LDLRAD3: variants seen among roughly 807,000 people sequenced by gnomAD.
LDLRAD3 encodes low-density lipoprotein receptor class A domain-containing protein 3.
A neutral mutation model predicts 29.4 loss-of-function variants in LDLRAD3; 20 were observed. That is an observed-to-expected ratio of 0.68 (90% CI 0.48 to 0.99). The LOEUF is 0.99. LDLRAD3 is among the 50% of genes least tolerant of loss of function. The pLI is 0.00. For missense variants in LDLRAD3, 420 were observed against 454.3 expected (o/e 0.92, Z 0.69); for synonymous variants, 157 against 192.7 (o/e 0.81, Z 1.53).
At chr11:35,947,582 C>T (rs263099) in intron 1 of LDLRAD3, among the ~76,000 whole-genome samples, 83,158 of 151,988 alleles carry the variant, frequency 0.55, 26,469 homozygotes, top group African/African-American at 0.87. Flanking sequence ...AACCCACTAT[C>T]AGTGAAGCAT....
chr11:36,077,645 CCTTAAGCAGCTTCCATGGCTGACA>C (rs961372453), intron 2 of LDLRAD3, among the ~76,000 whole-genome samples: 2 of 152,216 alleles, frequency 1.3e-5, no homozygotes, highest in Non-Finnish European at 2.9e-5. Flanking sequence ...ACCAGGCATA[CCTTAAGCAGCTTCCATGGCTGACA>C]CTGGGGAATG....
At chr11:36,144,979 T>TG (rs1249483788) in intron 4 of LDLRAD3, among the ~76,000 whole-genome samples, 2 of 84,304 alleles carry the variant, frequency 2.4e-5, no homozygotes, top group African/African-American at 8.7e-5. Context: ...CGGAAGGAGG[T>TG]GGGGGGGTCA....
chr11:36,096,999 A>G (rs547545391), intron 3 of LDLRAD3, among the ~76,000 whole-genome samples: 57 of 152,358 alleles, frequency 3.7e-4, no homozygotes, highest in African/African-American at 1.2e-3. Flanking sequence ...CACTGCAGGT[A>G]AATTGTACTG....
At chr11:36,196,594 G>A (rs1590347883) in intron 4 of LDLRAD3, 1 of 152,202 alleles carries the variant, frequency 6.6e-6, no homozygotes, top group Non-Finnish European at 1.5e-5. Context: ...CTTTAACCTG[G>A]AATGATGCCA....
At chr11:36,226,588 C>T (rs1295322376) in intron 4 of LDLRAD3, among the ~76,000 whole-genome samples, 2 of 152,036 alleles carry the variant, frequency 1.3e-5, no homozygotes, top group African/African-American at 2.4e-5. Flanking sequence ...AGTGATTTTG[C>T]GGGGGGGAAA....
chr11:35,947,246 C>T (rs1368054904), intron 1 of LDLRAD3, among the ~76,000 whole-genome samples: 2 of 152,148 alleles, frequency 1.3e-5, no homozygotes, highest in African/African-American at 4.8e-5. Context: ...TAATGGCTCA[C>T]GCCTGTAATC....
chr11:36,000,760 A>T (rs1347960796), intron 1 of LDLRAD3, among the ~76,000 whole-genome samples: 1 of 151,968 alleles, frequency 6.6e-6, no homozygotes, highest in Non-Finnish European at 1.5e-5. Flanking sequence ...CGTGACATGG[A>T]GATGGTGACA....
intron 4 of LDLRAD3, among the ~76,000 whole-genome samples, chr11:36,164,719 T>C (rs1854490835): frequency 1.3e-5 from 2 of 152,236 alleles, no homozygotes; most frequent in Non-Finnish European, 2.9e-5. Flanking sequence ...GCTCTGACTC[T>C]TCCTTTAACT....
chr11:35,981,527 G>A (rs1258434498), intron 1 of LDLRAD3, among the ~76,000 whole-genome samples: 1 of 152,168 alleles, frequency 6.6e-6, no homozygotes, highest in Non-Finnish European at 1.5e-5. Context: ...GATAGCTGGT[G>A]CACACGCTGA....
intron 1 of LDLRAD3, among the ~76,000 whole-genome samples, chr11:36,034,204 C>A (rs930201807): frequency 6.6e-6 from 1 of 152,112 alleles, no homozygotes; most frequent in African/African-American, 2.4e-5. Context: ...ATTCAATGAC[C>A]TTTTAAAGTT....
intron 4 of LDLRAD3, among the ~76,000 whole-genome samples, chr11:36,166,777 C>G (rs149850152): frequency 6.6e-6 from 1 of 152,264 alleles, no homozygotes; most frequent in African/African-American, 2.4e-5. Flanking sequence ...ATCTGGGGAT[C>G]TGTTAAAATG....
In LDLRAD3 at chr11:36,081,798, A is replaced by G; in HGVS notation, c.319+20A>G. On this transcript the variant is annotated intron_variant, in intron 3 of 5. Transcript: ENST00000315571. ...ACTGCAGTAAGTGCTGCGCACTTGA[A>G]CACTGTGATCCCTTGTTCTTTCCCG... 6.2e-7 allele frequency: 1 copy of G among 1,613,964 alleles called. No homozygotes were observed. The highest frequency in any genetic ancestry group is 1.1e-5 in the South Asian group (1 of 91,056).
intron 1 of LDLRAD3, among the ~76,000 whole-genome samples, chr11:35,948,965 A>G (rs1851096256): frequency 6.6e-6 from 1 of 152,174 alleles, no homozygotes; most frequent in South Asian, 2.1e-4. Flanking sequence ...CCCCTGGTCT[A>G]GCATGAGCAA....
At chr11:36,025,164 T>C (rs1852147062) in intron 1 of LDLRAD3, among the ~76,000 whole-genome samples, 1 of 152,178 alleles carries the variant, frequency 6.6e-6, no homozygotes. Context: ...CCTTTGTAGT[T>C]GGTGGGGTTT....
At chr11:36,050,206 A>C (rs1223745417) in intron 2 of LDLRAD3, among the ~76,000 whole-genome samples, 2 of 152,192 alleles carry the variant, frequency 1.3e-5, no homozygotes, top group Non-Finnish European at 2.9e-5. Flanking sequence ...GTTTTCCCTC[A>C]GCTGTTTTGA....
Position 36,105,234 on chromosome 11 carries a change from TGTGTGAGAGA to T in LDLRAD3, c.454+6775_454+6784del, listed in dbSNP as rs923722041. Among the ~76,000 whole-genome samples, 54 of 147,424 alleles carry T rather than the reference TGTGTGAGAGA, an allele frequency of 3.7e-4. No homozygotes were observed. The East Asian group carries it at 4.8e-3, about 13-fold the overall frequency. On this transcript the variant is annotated intron_variant, in intron 4 of 5. Transcript: ENST00000315571. ...GTGTGTGTGTGTGTGTGTGTGTGTG[TGTGTGAGAGA>T]GAGAGAGAGAGAGAGAGAAAGACAA...
At chr11:36,079,640 A>G (rs1853079856) in intron 2 of LDLRAD3, among the ~76,000 whole-genome samples, 1 of 152,182 alleles carries the variant, frequency 6.6e-6, no homozygotes, top group Non-Finnish European at 1.5e-5. Context: ...AATATGTTGC[A>G]TGGGTGCAAG....
intron 4 of LDLRAD3, among the ~76,000 whole-genome samples, chr11:36,103,425 G>C (rs1853480381): frequency 6.6e-6 from 1 of 151,960 alleles, no homozygotes; most frequent in Non-Finnish European, 1.5e-5. Context: ...TTTTTTAGTA[G>C]AGACGGGGTT....
chr11:36,226,559 C>A (rs1418537043), intron 4 of LDLRAD3, among the ~76,000 whole-genome samples: 1 of 152,162 alleles, frequency 6.6e-6, no homozygotes, highest in Non-Finnish European at 1.5e-5. Context: ...AAAATTTGCC[C>A]ATTTTAAGTT....
Sources: allele counts gnomAD v4.1 joint callset (sites outside exome capture counted in the v4.1 genomes callset), GRCh38; gene constraint gnomAD v4.1.1; transcripts MANE v1.5; gene names NCBI Gene and HGNC (gene_info 2026-07-23, HGNC 2026-07-21).